The following DGKI variants were observed in gnomAD, a reference collection of about 807,000 sequenced individuals.
The protein encoded by DGKI is DAG kinase iota.
In DGKI, 55 loss-of-function variants were observed where a neutral mutation model predicts 147.5. The observed-to-expected ratio is 0.37, with a 90% CI of 0.30 to 0.47. The LOEUF is 0.47. Ranked by LOEUF, DGKI falls within the 20% of genes least tolerant of loss-of-function variation. The pLI is 1.00. For missense variants in DGKI, 1,007 were observed against 1,323.8 expected, an observed-to-expected ratio of 0.76 and a Z score of 3.71; for synonymous variants, 469 against 477.1, an observed-to-expected ratio of 0.98 and a Z score of 0.22.
intron 8 of DGKI, among the ~76,000 whole-genome samples, chr7:137,616,385 T>C (rs1820532362): frequency 6.6e-6 from 1 of 152,196 alleles, no homozygotes; most frequent in South Asian, 2.1e-4. Flanking sequence ...TCCTGAATCA[T>C]AGACGGTAAT....
At chr7:137,656,672 CAAATTTAAAACTTCATCTTA>C (rs1314389407) in intron 3 of DGKI, 132 bp from the exon 4 acceptor site, 1 of 856,502 alleles carries the variant, frequency 1.2e-6, no homozygotes, top group Non-Finnish European at 1.8e-6. Context: ...TATTACAAAG[CAAATTTAAAACTTCATCTTA>C]AATATTGAAT....
intron 28 of DGKI, among the ~76,000 whole-genome samples, chr7:137,442,932 C>G (rs1369282482): frequency 6.6e-6 from 1 of 152,160 alleles, no homozygotes; most frequent in Non-Finnish European, 1.5e-5. Context: ...ATAAGCAGAT[C>G]AGCAAGCCCT....
intron 1 of DGKI, among the ~76,000 whole-genome samples, chr7:137,833,615 C>A (rs61502082): frequency 0.02 from 3,043 of 152,242 alleles, 103 homozygotes; most frequent in African/African-American, 0.07. Context: ...AGACAGGAAC[C>A]AGAGCAGCAG....
chr7:137,822,307 TGAGGCAG>T, intron 1 of DGKI, among the ~76,000 whole-genome samples: 1 of 152,224 alleles, frequency 6.6e-6, no homozygotes, highest in East Asian at 1.9e-4. Flanking sequence ...CTCAGGAGGC[TGAGGCAG>T]GAGAATCACT....
chr7:137,592,260 T>C (rs1441744075), intron 12 of DGKI, among the ~76,000 whole-genome samples: 1 of 152,232 alleles, frequency 6.6e-6, no homozygotes, highest in Non-Finnish European at 1.5e-5. Context: ...AATTAAATTA[T>C]TTAATTAACT....
At chr7:137,402,080 T>C (rs11760855) in intron 30 of DGKI, among the ~76,000 whole-genome samples, 23,243 of 152,210 alleles carry the variant, frequency 0.15, 1,880 homozygotes, top group East Asian at 0.19. Context: ...AGATGAGAGC[T>C]TACTGTATAG....
intron 1 of DGKI, among the ~76,000 whole-genome samples, chr7:137,729,744 T>G: frequency 6.6e-6 from 1 of 150,740 alleles, no homozygotes; most frequent in East Asian, 1.9e-4. Flanking sequence ...CTTATAAGAG[T>G]GAGGTCTGTA....
intron 1 of DGKI, among the ~76,000 whole-genome samples, chr7:137,728,431 T>C (rs552286514): frequency 6.6e-6 from 1 of 152,280 alleles, no homozygotes; most frequent in African/African-American, 2.4e-5. Flanking sequence ...ACACAGGGAC[T>C]TAAACTTTCA....
In DGKI at chr7:137,785,778, A is replaced by G. The variant is rs1339458570; in HGVS notation, c.401+60684T>C. ...GCATATCAAAAAGATAATCCACATG[A>G]TCAAGTGTGTTTCATACCAGGGATG... On this transcript the variant is annotated intron_variant, in intron 1 of 32. Transcript: ENST00000614521. 4.6e-5 allele frequency among the ~76,000 whole-genome samples: 7 copies of G among 152,320 alleles called. No individual in the cohort carries two copies. In the East Asian group the frequency reaches 7.7e-4, roughly 17 times the overall value.
chr7:137,630,186 C>T lies in DGKI; in HGVS notation c.805-6632G>A, dbSNP rs530211833. ...GATTTAATTACAATATCTTTTATGG[C>T]ATTAATAAAAGACTCTGAAAGTTTT... On this transcript the variant is annotated intron_variant, in intron 6 of 32. Transcript: ENST00000614521. Among the ~76,000 whole-genome samples the T allele has an allele frequency of 3.9e-5, 6 of 152,146 alleles. No individual in the cohort carries two copies. In the East Asian group the frequency reaches 7.7e-4, roughly 20 times the overall value.
chr7:137,808,634 A>G (rs1186053926), intron 1 of DGKI, among the ~76,000 whole-genome samples: 1 of 152,238 alleles, frequency 6.6e-6, no homozygotes, highest in Non-Finnish European at 1.5e-5. Flanking sequence ...ATAATAATGT[A>G]GGTCAATGCA....
At chr7:137,748,039 G>A (rs1038196578) in intron 1 of DGKI, among the ~76,000 whole-genome samples, 1 of 152,114 alleles carries the variant, frequency 6.6e-6, no homozygotes, top group African/African-American at 2.4e-5. Flanking sequence ...CTAATACTAT[G>A]AGAGGGAAAA....
At chr7:137,463,675 C>T in intron 26 of DGKI, 64 bp from the exon 27 acceptor site, 1 of 1,580,368 alleles carries the variant, frequency 6.3e-7, no homozygotes, top group Non-Finnish European at 8.6e-7. Context: ...TTCGTTTCCA[C>T]TTTCTGAAGA....
chr7:137,572,238 T>C (rs75740795), intron 18 of DGKI, among the ~76,000 whole-genome samples: 206 of 152,358 alleles, frequency 1.4e-3, no homozygotes, highest in Non-Finnish European at 2.4e-3. Context: ...ATTTTGAGTC[T>C]AGTTATCTTA....
At chr7:137,435,842 C>A (rs997931347) in intron 28 of DGKI, among the ~76,000 whole-genome samples, 1 of 152,184 alleles carries the variant, frequency 6.6e-6, no homozygotes, top group Non-Finnish European at 1.5e-5. Context: ...TACAGTGGCA[C>A]GATCTCGGCT....
At chr7:137,396,532 A>G (rs995699410) in intron 31 of DGKI, among the ~76,000 whole-genome samples, 2 of 152,214 alleles carry the variant, frequency 1.3e-5, no homozygotes, top group Admixed American at 1.3e-4. Flanking sequence ...TGATGGCACC[A>G]CTTATAATCT....
At chr7:137,415,640 G>T (rs1812331436) in intron 28 of DGKI, among the ~76,000 whole-genome samples, 1 of 152,144 alleles carries the variant, frequency 6.6e-6, no homozygotes, top group Non-Finnish European at 1.5e-5. Flanking sequence ...TTGCATGAGG[G>T]AGCAGTTAAT....
intron 21 of DGKI, among the ~76,000 whole-genome samples, chr7:137,511,182 T>C (rs1320616477): frequency 6.6e-6 from 1 of 152,222 alleles, no homozygotes; most frequent in Non-Finnish European, 1.5e-5. Flanking sequence ...ATTGCTCTTA[T>C]TAGCAAAGGC....
chr7:137,655,560 T>C (rs1465160715), intron 4 of DGKI, among the ~76,000 whole-genome samples: 2 of 152,164 alleles, frequency 1.3e-5, no homozygotes, highest in South Asian at 2.1e-4. Flanking sequence ...GGTCTCCTAG[T>C]AGGCACATTG....
Sources: allele counts gnomAD v4.1 joint callset (sites outside exome capture counted in the v4.1 genomes callset), GRCh38; gene constraint gnomAD v4.1.1; transcripts MANE v1.5; gene names NCBI Gene and HGNC (gene_info 2026-07-23, HGNC 2026-07-21).